The following SLC24A2 variants were observed in gnomAD, a reference collection of about 807,000 sequenced individuals.
The protein encoded by SLC24A2 is solute carrier family 24 member 2.
Under a neutral mutation model 62.0 loss-of-function variants are expected in SLC24A2, and 36 were observed. That is an observed-to-expected ratio of 0.58 (90% confidence interval 0.44 to 0.77). The LOEUF is 0.77. Among genes scored for constraint, SLC24A2 ranks in the 30% least tolerant of loss-of-function variants. The pLI, the probability that SLC24A2 is intolerant of heterozygous loss-of-function variation, is 0.00. For synonymous variants in SLC24A2, 358 were observed against 294.0 expected, an observed-to-expected ratio of 1.22 and a Z score of -2.23; for missense variants, 846 against 817.9, an observed-to-expected ratio of 1.03 and a Z score of -0.42.
the SLC24A2 span, among the ~76,000 whole-genome samples, chr9:20,033,804 T>G: frequency 6.6e-6 from 1 of 152,178 alleles, no homozygotes; most frequent in Admixed American, 6.5e-5. Flanking sequence ...AATCCACCCC[T>G]TTTTTAGCAT....
the SLC24A2 span, among the ~76,000 whole-genome samples, chr9:20,191,605 G>C: frequency 2.6e-5 from 4 of 151,294 alleles, no homozygotes; most frequent in Non-Finnish European, 5.9e-5. Context: ...TTATCATATG[G>C]ATCCACCAGG....
the SLC24A2 span, among the ~76,000 whole-genome samples, chr9:20,284,542 T>G: frequency 6.6e-6 from 1 of 150,616 alleles, no homozygotes; most frequent in African/African-American, 2.5e-5. Flanking sequence ...TTTTTTTTTG[T>G]GGTATAGTCA....
At chr9:19,714,692 A>G (rs977891188) in intron 2 of SLC24A2, among the ~76,000 whole-genome samples, 1 of 152,228 alleles carries the variant, frequency 6.6e-6, no homozygotes, top group Non-Finnish European at 1.5e-5. Context: ...ACATATATAG[A>G]GTAAAATGGT....
the SLC24A2 span, among the ~76,000 whole-genome samples, chr9:20,019,083 GAGAAAGAAAGAAAGAAAGAT>G: frequency 6.4e-3 from 681 of 106,032 alleles, 22 homozygotes; most frequent in Non-Finnish European, 0.01. Context: ...CAGAGAAAGA[GAGAAAGAAAGAAAGAAAGAT>G]AGAAAGAAAG....
the SLC24A2 span, among the ~76,000 whole-genome samples, chr9:20,103,995 A>G: frequency 1.3e-5 from 2 of 152,196 alleles, no homozygotes. Flanking sequence ...AAAACAGAGA[A>G]GTGCTTAAAG....
chr9:19,735,557 T>C (rs959199737), intron 2 of SLC24A2, among the ~76,000 whole-genome samples: 1 of 152,142 alleles, frequency 6.6e-6, no homozygotes, highest in African/African-American at 2.4e-5. Context: ...CACATGCACA[T>C]GTATGTTTAT....
intron 2 of SLC24A2, among the ~76,000 whole-genome samples, chr9:19,778,911 A>T (rs114187819): frequency 3.3e-5 from 5 of 152,232 alleles, no homozygotes; most frequent in Admixed American, 6.5e-5. Context: ...GGAATAAAAG[A>T]GGCATTAAAA....
At chr9:19,641,740 T>C (rs1818500085) in intron 2 of SLC24A2, among the ~76,000 whole-genome samples, 1 of 152,164 alleles carries the variant, frequency 6.6e-6, no homozygotes, top group Non-Finnish European at 1.5e-5. Flanking sequence ...CATATATGTG[T>C]TTAGGCTATA....
the SLC24A2 span, among the ~76,000 whole-genome samples, chr9:19,973,125 C>T: frequency 1.3e-5 from 2 of 152,148 alleles, no homozygotes; most frequent in Non-Finnish European, 2.9e-5. Flanking sequence ...ATTGCCTGAA[C>T]CCAGGTGTTT....
At chr9:19,620,681 T>C (rs1356482516) in intron 3 of SLC24A2, among the ~76,000 whole-genome samples, 2 of 152,196 alleles carry the variant, frequency 1.3e-5, no homozygotes, top group East Asian at 3.8e-4. Flanking sequence ...CTCCCCGTGG[T>C]TGATTTTGTG....
the SLC24A2 span, among the ~76,000 whole-genome samples, chr9:19,860,089 T>A: frequency 6.6e-6 from 1 of 152,096 alleles, no homozygotes; most frequent in Non-Finnish European, 1.5e-5. Flanking sequence ...TGGGGGAGCA[T>A]GTGACCTACT....
the SLC24A2 span, among the ~76,000 whole-genome samples, chr9:20,208,433 T>A: frequency 1.3e-5 from 2 of 152,222 alleles, no homozygotes; most frequent in Non-Finnish European, 2.9e-5. Context: ...CCGGGTGGTC[T>A]GTATTCATTG....
chr9:20,252,790 C>T, the SLC24A2 span, among the ~76,000 whole-genome samples: 1 of 152,142 alleles, frequency 6.6e-6, no homozygotes, highest in Non-Finnish European at 1.5e-5. Flanking sequence ...AGCATGTCTC[C>T]AAAAAACATG....
At chr9:20,155,633 T>C in the SLC24A2 span, among the ~76,000 whole-genome samples, 2 of 151,808 alleles carry the variant, frequency 1.3e-5, no homozygotes, top group Admixed American at 6.6e-5. Context: ...ATGATAACTA[T>C]TGTATGTCCT....
intron 7 of SLC24A2, among the ~76,000 whole-genome samples, chr9:19,561,343 T>C (rs183254004): frequency 6.6e-6 from 1 of 152,324 alleles, no homozygotes; most frequent in Non-Finnish European, 1.5e-5. Context: ...TTTACGTGTT[T>C]CTTATTGGAA....
the SLC24A2 span, among the ~76,000 whole-genome samples, chr9:20,007,240 A>G: frequency 6.6e-6 from 1 of 152,198 alleles, no homozygotes; most frequent in Non-Finnish European, 1.5e-5. Flanking sequence ...TCTGTTCTAG[A>G]ATCTTGAAAA....
intron 2 of SLC24A2, chr9:19,705,621 A>G (rs938639947): frequency 7.0e-5 from 16 of 228,030 alleles, no homozygotes; most frequent in East Asian, 5.3e-4. Context: ...AAAAGAGGAC[A>G]AAAGCCCCCT....
At chr9:19,535,255 G>C (rs553468537) in intron 8 of SLC24A2, among the ~76,000 whole-genome samples, 13 of 151,950 alleles carry the variant, frequency 8.6e-5, no homozygotes, top group South Asian at 2.1e-4. Flanking sequence ...GATATTAGCC[G>C]TTTGTCAGAT....
At chr9:20,231,645 G>A in the SLC24A2 span, among the ~76,000 whole-genome samples, 2 of 152,286 alleles carry the variant, frequency 1.3e-5, no homozygotes, top group African/African-American at 2.4e-5. Flanking sequence ...CTGAGACGAT[G>A]GGGTTTTCTA....
Sources: gnomAD v4.1 joint callset for allele counts (sites outside exome capture counted in the v4.1 genomes callset) on GRCh38, gnomAD v4.1.1 for gene constraint, MANE v1.5 for transcripts, NCBI Gene and HGNC (gene_info 2026-07-23, HGNC 2026-07-21) for gene names.